Variants in TRIM59 observed in about 807,000 individuals in gnomAD.
The protein encoded by TRIM59 is tripartite motif containing 59.
In TRIM59, 14 loss-of-function variants were observed where a neutral mutation model predicts 32.2. The ratio of observed to expected loss-of-function variants is 0.43; its 90% CI spans 0.29 to 0.68. The LOEUF (loss-of-function observed/expected upper bound fraction) is 0.68, where lower values mean the gene tolerates loss of function less well. TRIM59 is among the 30% of genes least tolerant of loss of function. The pLI, the probability that TRIM59 is intolerant of heterozygous loss-of-function variation, is 0.15. For synonymous variants in TRIM59, 163 were observed against 155.1 expected, an observed-to-expected ratio of 1.05 and a Z score of -0.38; for missense variants, 471 against 463.3, an observed-to-expected ratio of 1.02 and a Z score of -0.15.
chr3:160,449,297 T>C, intron 1 of TRIM59: 1 of 263,902 alleles, frequency 3.8e-6, no homozygotes, highest in Non-Finnish European at 7.3e-6. Context: ...TGCACCTACC[T>C]CACTTAAGTC....
At chr3:160,446,840 C>G (rs1251247179) in intron 2 of TRIM59, among the ~76,000 whole-genome samples, 2 of 152,176 alleles carry the variant, frequency 1.3e-5, no homozygotes, top group Non-Finnish European at 2.9e-5. Context: ...TAGGTTGTGG[C>G]TCACTGTGAG....
rs765019271 is a variant in TRIM59 at position 160,436,529 on chromosome 3, C to T, written c.*1443G>A. ...GATTAAGTTGTTGGGCCGGGCGTGG[C>T]GGCTCACGCCTATAATCCCAGCATT... On this transcript the variant is annotated 3_prime_UTR_variant, in exon 3 of 3. Coordinates refer to ENST00000309784, the MANE Select transcript of TRIM59 (RefSeq NM_173084.3). The T allele has an allele frequency of 2.8e-5, 28 of 985,456 alleles. No homozygotes were observed. The highest frequency in any genetic ancestry group is 6.1e-5 in the Admixed American group (1 of 16,282). 61.0% of individuals were successfully genotyped at this position (985,456 alleles called of 1,614,324 possible).
rs1718983171 is a variant in TRIM59 at position 160,436,783 on chromosome 3, G to GC, written c.*1188dup. ...ACTGCACTCCAGCCTGGGCGACAGA[G>GC]CAAGACTCCGTCTCAAAAAAAAAAA... On this transcript the variant is annotated 3_prime_UTR_variant, in exon 3 of 3. Transcript: ENST00000309784. 1 of 857,402 alleles carries GC rather than the reference G, an allele frequency of 1.2e-6. No homozygotes were observed. The highest frequency in any genetic ancestry group is 2.5e-5 in the African/African-American group (1 of 40,282). The allele number at this position is 857,402 out of a possible 1,614,324, so 53.1% of individuals were successfully genotyped here.
Position 160,437,586 on chromosome 3 carries a change from A to G in TRIM59, c.*386T>C. The G allele has an allele frequency of 1.0e-6, 1 of 987,724 alleles. No individual in the cohort carries two copies. Among genetic ancestry groups the G allele is most frequent in the Non-Finnish European group, 1.2e-6 (1 of 831,594 alleles). 61.2% of individuals were successfully genotyped at this position (987,724 alleles called of 1,614,324 possible). A position where few individuals can be genotyped will look rare whatever the true frequency, so the allele number is the denominator to read the frequency against. ...CAAAAGCTTCAAGCCACATCAAAAT[A>G]AAGGTATATGTTCTTTCAGGATTTT... On this transcript the variant is annotated 3_prime_UTR_variant, in exon 3 of 3. Transcript: ENST00000309784.
At chr3:160,440,096 T>A (rs1215480178) in intron 2 of TRIM59, among the ~76,000 whole-genome samples, 3 of 152,192 alleles carry the variant, frequency 2.0e-5, no homozygotes, top group Non-Finnish European at 4.4e-5. Flanking sequence ...TACCATAAAT[T>A]TTTTAGCTTC....
At position 160,441,595 on chromosome 3, in the gene TRIM59, T is replaced by C. The variant is rs571950372; in HGVS notation, c.-3-2409A>G. 1.2e-4 allele frequency among the ~76,000 whole-genome samples: 18 copies of C among 151,094 alleles called. No individual in the cohort carries two copies. The South Asian group carries it at 3.6e-3, about 30-fold the overall frequency. ...GGTGAAACCCCGTCTCTACTAAAAATACAAAAAAATTAGCCAGGTGTGGTG... is the reference window on the plus strand; with the variant it reads ...GGTGAAACCCCGTCTCTACTAAAAACACAAAAAAATTAGCCAGGTGTGGTG... On this transcript the variant is annotated intron_variant, in intron 2 of 2. Coordinates refer to ENST00000309784, the MANE Select transcript of TRIM59 (RefSeq NM_173084.3).
chr3:160,444,248 G>C (rs969504865), intron 2 of TRIM59, among the ~76,000 whole-genome samples: 2 of 151,902 alleles, frequency 1.3e-5, no homozygotes, highest in African/African-American at 4.8e-5. Context: ...TAAATATCTA[G>C]AAATATAAAA....
At chr3:160,444,397 A>G (rs1217204404) in intron 2 of TRIM59, among the ~76,000 whole-genome samples, 1 of 152,238 alleles carries the variant, frequency 6.6e-6, no homozygotes. Flanking sequence ...AGAAATAAGA[A>G]CAATTCTACA....
chr3:160,441,796 T>C (rs535206291), intron 2 of TRIM59, among the ~76,000 whole-genome samples: 31 of 150,628 alleles, frequency 2.1e-4, no homozygotes, highest in African/African-American at 7.0e-4. Flanking sequence ...AAGCACTCCA[T>C]TCAAACTGAC....
chr3:160,438,001 C>G lies in TRIM59; in HGVS notation c.1183G>C (p.Glu395Gln). ...ILCHIFYLLKEFVWKIVSH is the reference protein window; with the variant it reads ...ILCHIFYLLKQFVWKIVSH The stretch of plus-strand genomic sequence containing the variant: ...TGGGAAACTATTTTCCACACAAATT[C>G]CTTCAACAAATAGAAAATGTGACAC... The change falls in exon 3 of 3, where the codon GAA (glutamate) becomes CAA (glutamine). Residue 395 changes from glutamate to glutamine, a missense_variant. Coordinates refer to ENST00000309784, the MANE Select transcript of TRIM59 (RefSeq NM_173084.3). 7 of 1,556,926 alleles carry G rather than the reference C, an allele frequency of 4.5e-6. No homozygotes were observed. The highest frequency in any genetic ancestry group is 6.0e-6 in the Non-Finnish European group (7 of 1,157,152).
chr3:160,437,383 C>CT lies in TRIM59; in HGVS notation c.*588dup. On this transcript the variant is annotated 3_prime_UTR_variant, in exon 3 of 3. Coordinates refer to ENST00000309784, the MANE Select transcript of TRIM59 (RefSeq NM_173084.3). Reference sequence around the variant, plus strand: ...ATTTCTTTTAAAAAGCCACTTTACTCTAACAGTTATCCAAAAGCAATAGTT... The same window carrying CT: ...ATTTCTTTTAAAAAGCCACTTTACTCTTAACAGTTATCCAAAAGCAATAGTT... 3 of 963,156 alleles carry CT rather than the reference C, an allele frequency of 3.1e-6. No homozygotes were observed. Among genetic ancestry groups the CT allele is most frequent in the Non-Finnish European group, 3.6e-6 (3 of 825,026 alleles). 59.7% of individuals were successfully genotyped at this position (963,156 alleles called of 1,614,324 possible).
chr3:160,440,220 T>C (rs1022237589), intron 2 of TRIM59, among the ~76,000 whole-genome samples: 1 of 152,226 alleles, frequency 6.6e-6, no homozygotes, highest in African/African-American at 2.4e-5. Context: ...TTAATTCTTA[T>C]AATAAAAATC....
At chr3:160,439,694 G>C (rs1012276729) in intron 2 of TRIM59, among the ~76,000 whole-genome samples, 1 of 152,108 alleles carries the variant, frequency 6.6e-6, no homozygotes, top group African/African-American at 2.4e-5. Context: ...TGTGAGACGT[G>C]CCTTTCACCT....
chr3:160,439,687 G>C (rs1215257338), intron 2 of TRIM59, among the ~76,000 whole-genome samples: 1 of 152,114 alleles, frequency 6.6e-6, no homozygotes, highest in Non-Finnish European at 1.5e-5. Flanking sequence ...GCCGCCATGT[G>C]AGACGTGCCT....
Position 160,439,088 on chromosome 3 carries a change from A to G in TRIM59, c.96T>C (p.Asn32=), listed in dbSNP as rs1460755898. The change falls in exon 3 of 3, where the codon AAT becomes AAC. Residue 32 remains asparagine, a synonymous_variant. Coordinates refer to ENST00000309784, the MANE Select transcript of TRIM59 (RefSeq NM_173084.3). Reference sequence around the variant, plus strand: ...ATGCCTGAAGAATGTTTTCCAAACAATTTCTACAAAATGTATGAGAGCATG... The same window carrying G: ...ATGCCTGAAGAATGTTTTCCAAACAGTTTCTACAAAATGTATGAGAGCATG... ...VLPCSHTFCR[N]CLENILQASG... is the part of the protein sequence containing the mutation. The G allele has an allele frequency of 6.4e-7, 1 of 1,554,726 alleles. No homozygotes were observed.
chr3:160,446,073 G>C (rs939255350), intron 2 of TRIM59, among the ~76,000 whole-genome samples: 5 of 152,066 alleles, frequency 3.3e-5, no homozygotes, highest in Admixed American at 2.0e-4. Context: ...GCCTCCCAAA[G>C]TGCTGAGATT....
rs1413874545 is a variant in TRIM59 at position 160,438,442 on chromosome 3, G to C, written c.742C>G (p.Leu248Val). 4 of 1,613,976 alleles carry C rather than the reference G, an allele frequency of 2.5e-6. No homozygotes were observed. The highest frequency in any genetic ancestry group is 3.4e-6 in the Non-Finnish European group (4 of 1,179,986). Residue 248 changes from leucine to valine, a missense_variant, in exon 3 of 3, where the codon CTT (leucine) becomes GTT (valine). By Grantham distance (32) the Leu-to-Val change is conservative. Transcript: ENST00000309784. Reference sequence around the variant, plus strand: ...TCATCAACTTTTTCAAGAAATTTAAGTGGAGACTCTTCTTGTAAAGATATT... The same window carrying C: ...TCATCAACTTTTTCAAGAAATTTAACTGGAGACTCTTCTTGTAAAGATATT... The part of the protein sequence containing the change: ...LTISLQEESP[L>V]KFLEKVDDVR...
intron 2 of TRIM59, among the ~76,000 whole-genome samples, chr3:160,445,378 G>A (rs545579403): frequency 2.6e-5 from 4 of 151,874 alleles, no homozygotes; most frequent in Non-Finnish European, 5.9e-5. Context: ...AGCCACGGTC[G>A]TTCCACTGCA....
At chr3:160,446,091 T>C (rs1719515533) in intron 2 of TRIM59, among the ~76,000 whole-genome samples, 1 of 152,102 alleles carries the variant, frequency 6.6e-6, no homozygotes, top group South Asian at 2.1e-4. Flanking sequence ...ATTACAGCTG[T>C]GAGCCACCAT....
Sources: gnomAD v4.1 joint callset for allele counts (sites outside exome capture counted in the v4.1 genomes callset) on GRCh38, gnomAD v4.1.1 for gene constraint, MANE v1.5 for transcripts, NCBI Gene and HGNC (gene_info 2026-07-23, HGNC 2026-07-21) for gene names.